The following SORL1 variants were observed in gnomAD, a reference collection of about 807,000 sequenced individuals.
The protein encoded by SORL1 is sortilin-related receptor.
SORL1 carries 127 observed loss-of-function variants against 273.7 expected under a neutral mutation model. The ratio of observed to expected loss-of-function variants is 0.46; its 90% confidence interval spans 0.40 to 0.54. The LOEUF (loss-of-function observed/expected upper bound fraction) is 0.54, where lower values mean the gene tolerates loss of function less well. Among genes scored for constraint, SORL1 ranks in the 20% least tolerant of loss-of-function variants. SORL1 has a pLI of 0.00. For synonymous variants in SORL1, 1,031 were observed against 1,067.4 expected (o/e 0.97, Z 0.66); for missense variants, 2,494 against 2,846.1 (o/e 0.88, Z 2.81).
rs543848165 is a variant in SORL1, at chr11:121,486,714, C to T, written c.529-1318C>T. ...CAGGATGGTCTCGATCTCCTGACCT[C>T]GTGATCCCCCCGCCTCAGCCTCCCA... On this transcript the variant is annotated intron_variant, in intron 3 of 47. Transcript: ENST00000260197. Among the ~76,000 whole-genome samples, 132 of 152,164 alleles carry T rather than the reference C, an allele frequency of 8.7e-4. 1 individual carries two copies. Among genetic ancestry groups the T allele is most frequent in the African/African-American group, 3.0e-3 (124 of 41,520 alleles).
intron 22 of SORL1, among the ~76,000 whole-genome samples, chr11:121,569,873 A>G (rs1862810952): frequency 6.6e-6 from 1 of 152,186 alleles, no homozygotes; most frequent in Non-Finnish European, 1.5e-5. Context: ...TTTACGGCTC[A>G]GGGGGCATCA....
chr11:121,559,437 G>A, intron 20 of SORL1, 82 bp from the exon 21 acceptor site: 1 of 1,420,474 alleles, frequency 7.0e-7, no homozygotes, highest in Non-Finnish European at 9.6e-7. Context: ...GTTGTCTCCT[G>A]CCTGGGGGAA....
rs931767467 is a variant in SORL1, at chr11:121,452,790, T to A, written c.285+174T>A. The A allele has an allele frequency of 9.4e-6, 5 of 531,054 alleles. No individual in the cohort carries two copies. Among genetic ancestry groups the A allele is most frequent in the Non-Finnish European group, 1.6e-5 (5 of 319,990 alleles). The allele number at this position is 531,054 out of a possible 1,614,324, so 32.9% of individuals were successfully genotyped here. ...ACCGTCAGCACTTGAATCGCATTGA[T>A]CTTTCCTTCTTCCTGTCGATTTAGT... is the stretch of plus-strand genomic sequence containing the variant. On this transcript the variant is annotated intron_variant, in intron 1 of 47. Transcript: ENST00000260197. The surrounding 1 kb of genome is among the most constrained non-coding windows in gnomAD (Gnocchi z 5.3).
At chr11:121,521,163 G>A (rs1395519437) in intron 9 of SORL1, among the ~76,000 whole-genome samples, 4 of 152,050 alleles carry the variant, frequency 2.6e-5, no homozygotes, top group African/African-American at 9.7e-5. Flanking sequence ...GTCCATGGTG[G>A]GCTATGTGGA....
chr11:121,522,852 C>A, intron 10 of SORL1, 64 bp from the exon 11 acceptor site: 1 of 1,475,774 alleles, frequency 6.8e-7, no homozygotes, highest in Non-Finnish European at 9.5e-7. Context: ...GAATTTCTGG[C>A]TGGGCAAGGT....
At chr11:121,541,973 G>T (rs1384504291) in intron 12 of SORL1, among the ~76,000 whole-genome samples, 2 of 152,194 alleles carry the variant, frequency 1.3e-5, no homozygotes, top group Admixed American at 6.5e-5. Flanking sequence ...CCACGGGAAA[G>T]TTGGAAAAAC....
chr11:121,487,824 T>G (rs1039724335), intron 3 of SORL1, among the ~76,000 whole-genome samples: 2 of 152,222 alleles, frequency 1.3e-5, no homozygotes, highest in Admixed American at 1.3e-4. Flanking sequence ...CTCCTTTCGC[T>G]GAGCCTTGTT....
At chr11:121,613,319 G>C (rs1354250261) in intron 40 of SORL1, among the ~76,000 whole-genome samples, 4 of 152,178 alleles carry the variant, frequency 2.6e-5, no homozygotes, top group Admixed American at 2.0e-4. Context: ...TGTTACGTAT[G>C]TACCAGCAGC....
intron 11 of SORL1, among the ~76,000 whole-genome samples, chr11:121,527,810 T>C (rs769399251): frequency 2.0e-5 from 3 of 152,176 alleles, no homozygotes; most frequent in Non-Finnish European, 4.4e-5. Flanking sequence ...CTGTAGGATC[T>C]TTGGTGATGA....
rs1453276382 is a variant in SORL1, at chr11:121,595,210, T to C, written c.4370-413T>C. Among the ~76,000 whole-genome samples, 1 of 152,222 alleles carries C rather than the reference T, an allele frequency of 6.6e-6. No homozygotes were observed. Among genetic ancestry groups the C allele is most frequent in the Non-Finnish European group, 1.5e-5 (1 of 68,036 alleles). On this transcript the variant is annotated intron_variant, in intron 31 of 47. Coordinates refer to ENST00000260197, the MANE Select transcript of SORL1 (RefSeq NM_003105.6). The surrounding 1 kb of genome is among the most constrained non-coding windows in gnomAD (Gnocchi z 5.1). ...AGTCAGTTCCCTTATTTTAACTCCT[T>C]CTTCACTTCCAGTTAGATGCCAGTT... is the stretch of plus-strand genomic sequence containing the variant.
chr11:121,602,712 A>G (rs1338332726), intron 32 of SORL1, among the ~76,000 whole-genome samples: 2 of 152,200 alleles, frequency 1.3e-5, no homozygotes, highest in Admixed American at 1.3e-4. Flanking sequence ...CACAATGCTC[A>G]TATCACCTTT....
At chr11:121,574,799 G>A (rs1325958287) in intron 24 of SORL1, among the ~76,000 whole-genome samples, 1 of 152,130 alleles carries the variant, frequency 6.6e-6, no homozygotes, top group African/African-American at 2.4e-5. Context: ...TTGCCTTGGA[G>A]AGATGCTATA....
rs571918871 is a variant in SORL1, at chr11:121,598,292, A to T, written c.4519+2520A>T. ...GAAAAAGGAAGAGTGACCTCTTTGT[A>T]TATTGGAGGTACTATTAACAGCATC... On this transcript the variant is annotated intron_variant, in intron 32 of 47. Coordinates refer to ENST00000260197, the MANE Select transcript of SORL1 (RefSeq NM_003105.6). 2.0e-5 allele frequency among the ~76,000 whole-genome samples: 3 copies of T among 152,280 alleles called. No homozygotes were observed. The East Asian group carries it at 5.8e-4, about 29-fold the overall frequency.
Position 121,604,340 on chromosome 11 carries a change from CGGGCTGGGCTGGGCT to C in SORL1, c.4651+30_4651+44del, listed in dbSNP as rs746550595. On this transcript the variant is annotated intron_variant, in intron 33 of 47. Coordinates refer to ENST00000260197, the MANE Select transcript of SORL1 (RefSeq NM_003105.6). ...GCCTGCAGTGGTGAGTGCCGGTCCA[CGGGCTGGGCTGGGCT>C]GGGCTGGGCTGGGAGGCTCGCTTAC... The C allele has an allele frequency of 3.5e-6, 4 of 1,142,442 alleles. No homozygotes were observed. The highest frequency in any genetic ancestry group is 1.5e-5 in the African/African-American group (1 of 64,950). 70.8% of individuals were successfully genotyped at this position (1,142,442 alleles called of 1,614,324 possible). A position where few individuals can be genotyped will look rare whatever the true frequency, so the allele number is the denominator to read the frequency against.
At chr11:121,491,773 G>A (rs1861557498) in intron 5 of SORL1, among the ~76,000 whole-genome samples, 1 of 152,006 alleles carries the variant, frequency 6.6e-6, no homozygotes, top group Non-Finnish European at 1.5e-5. Context: ...GTTTACTCTT[G>A]TTTTTCTATC....
At chr11:121,564,408 C>G (rs529376266) in intron 21 of SORL1, among the ~76,000 whole-genome samples, 35 of 152,276 alleles carry the variant, frequency 2.3e-4, no homozygotes, top group Admixed American at 1.2e-3. Context: ...AGATCAGCCT[C>G]CTGAAATATG....
chr11:121,468,063 C>G (rs902084042), intron 1 of SORL1, among the ~76,000 whole-genome samples: 8 of 152,238 alleles, frequency 5.3e-5, no homozygotes, highest in African/African-American at 1.9e-4. Flanking sequence ...TTCTCTTTTC[C>G]CTGATGACAT....
chr11:121,608,060 G>C (rs897150558), intron 37 of SORL1, 44 bp from the exon 38 acceptor site: 2 of 1,524,310 alleles, frequency 1.3e-6, no homozygotes, highest in African/African-American at 2.7e-5. Context: ...GGTGTATGGT[G>C]TATTGCCTTT....
At chr11:121,574,191 G>T in intron 23 of SORL1, 50 bp from the exon 24 acceptor site, 1 of 1,586,374 alleles carries the variant, frequency 6.3e-7, no homozygotes, top group South Asian at 1.1e-5. Flanking sequence ...TTACATTTGT[G>T]GGAAATCAAT....
Sources: allele counts gnomAD v4.1 joint callset (sites outside exome capture counted in the v4.1 genomes callset), GRCh38; gene constraint gnomAD v4.1.1; non-coding constraint Gnocchi (gnomAD v3.1); transcripts MANE v1.5; gene names NCBI Gene and HGNC (gene_info 2026-07-23, HGNC 2026-07-21).